The following CSMD1 variants were observed in gnomAD, a reference collection of about 807,000 sequenced individuals.
The protein encoded by CSMD1 is CUB and sushi domain-containing protein 1.
Under a neutral mutation model 417.5 loss-of-function variants are expected in CSMD1, and 213 were observed. The ratio of observed to expected loss-of-function variants is 0.51; its 90% CI spans 0.46 to 0.57. The LOEUF (loss-of-function observed/expected upper bound fraction) is 0.57. CSMD1 is among the 20% of genes least tolerant of loss of function. CSMD1 has a pLI of 0.00. For synonymous variants in CSMD1, 2,862 were observed against 1,736.8 expected, an observed-to-expected ratio of 1.65 and a Z score of -16.11; for missense variants, 6,923 against 4,529.7, an observed-to-expected ratio of 1.53 and a Z score of -15.17.
intron 1 of CSMD1, among the ~76,000 whole-genome samples, chr8:4,829,637 G>C (rs954572523): frequency 6.6e-6 from 1 of 151,752 alleles, no homozygotes; most frequent in African/African-American, 2.4e-5. Flanking sequence ...GTACTCAGGA[G>C]GCTGAGGAGG....
At chr8:3,950,226 C>T (rs752916703) in intron 5 of CSMD1, among the ~76,000 whole-genome samples, 31 of 152,088 alleles carry the variant, frequency 2.0e-4, no homozygotes, top group Non-Finnish European at 2.8e-4. Flanking sequence ...TCTCATCATG[C>T]AGTGGAAGAA....
chr8:3,300,409 T>C (rs1429556266), intron 25 of CSMD1, among the ~76,000 whole-genome samples: 2 of 152,088 alleles, frequency 1.3e-5, no homozygotes, highest in African/African-American at 4.8e-5. Flanking sequence ...GAAAAATAAT[T>C]AACCATAAAC....
In CSMD1 at chr8:3,338,183, T is replaced by A. The variant is rs565994206; in HGVS notation, c.3631+5111A>T. 2.6e-5 allele frequency among the ~76,000 whole-genome samples: 4 copies of A among 152,320 alleles called. No homozygotes were observed. In the South Asian group the frequency reaches 6.2e-4, roughly 24 times the overall value. On this transcript the variant is annotated intron_variant, in intron 23 of 69. Transcript: ENST00000635120. ...CACAAGACACAACGTATTTGATATC[T>A]GAATCCAGTTGTTGAACCACACGTG...
chr8:3,188,308 T>TC (rs1563125220), intron 35 of CSMD1, among the ~76,000 whole-genome samples: 12 of 131,120 alleles, frequency 9.2e-5, no homozygotes, highest in South Asian at 5.4e-4. Flanking sequence ...TCCTTTCTTT[T>TC]TTTTTTTTTT....
Position 3,108,666 on chromosome 8 carries a change from G to C in CSMD1, c.6691C>G (p.Gln2231Glu), listed in dbSNP as rs759144707. 5 of 1,613,664 alleles carry C rather than the reference G, an allele frequency of 3.1e-6. No individual in the cohort carries two copies. The highest frequency in any genetic ancestry group is 4.2e-6 in the Non-Finnish European group (5 of 1,179,844). ...TCGCTGTGGAACTTGAGCAGGACTT[G>C]GTTGGTGGAGCTATACGCCGTTTCG... ...ALETAYSSTN[Q>E]VLLKFHSDFS... is the part of the protein sequence containing the mutation. The change falls in exon 44 of 70, where the codon CAA becomes GAA. Residue 2231 changes from glutamine to glutamate, a missense_variant. Physicochemically the swap from Gln to Glu is conservative, Grantham distance 29. Coordinates refer to ENST00000635120, the MANE Select transcript of CSMD1 (RefSeq NM_033225.6).
chr8:4,449,147 A>C (rs909272745), intron 2 of CSMD1, among the ~76,000 whole-genome samples: 4 of 152,362 alleles, frequency 2.6e-5, no homozygotes, highest in African/African-American at 7.2e-5. Flanking sequence ...CAGACTTTGC[A>C]AATATTTAGC....
chr8:4,413,177 T>C (rs34366238), intron 3 of CSMD1, among the ~76,000 whole-genome samples: 7,929 of 152,276 alleles, frequency 0.052, 250 homozygotes, highest in Middle Eastern at 0.085. Context: ...AGTTAACACC[T>C]TAAATTCACA....
In CSMD1 at chr8:3,367,220, T is replaced by C. The variant is rs1809641755; in HGVS notation, c.2927A>G (p.His976Arg). 1.9e-6 allele frequency: 3 copies of C among 1,611,654 alleles called. No homozygotes were observed. Among genetic ancestry groups the C allele is most frequent in the Non-Finnish European group, 2.5e-6 (3 of 1,179,060 alleles). The change falls in exon 20 of 70, where the codon CAT (histidine) becomes CGT (arginine). Residue 976 changes from histidine to arginine, a missense_variant. Coordinates refer to ENST00000635120, the MANE Select transcript of CSMD1 (RefSeq NM_033225.6). ...TAAATAGTCGTGGGAACTCTCAAGA[T>C]GAAAGGTGTGAAAGATCATTTGAAC... is the stretch of plus-strand genomic sequence containing the variant. ...KGVQMIFHTFHLESSHDYLLI... is the reference protein window; with the variant it reads ...KGVQMIFHTFRLESSHDYLLI...
At chr8:4,721,837 T>C (rs1809073959) in intron 1 of CSMD1, among the ~76,000 whole-genome samples, 1 of 152,128 alleles carries the variant, frequency 6.6e-6, no homozygotes, top group South Asian at 2.1e-4. Flanking sequence ...TGGAACATGA[T>C]TCAGCTTTAC....
intron 46 of CSMD1, among the ~76,000 whole-genome samples, chr8:3,098,588 G>A (rs575470947): frequency 6.7e-4 from 102 of 152,096 alleles, no homozygotes; most frequent in Non-Finnish European, 1.3e-3. Context: ...ATCCTAATCA[G>A]AACACACAGA....
intron 5 of CSMD1, among the ~76,000 whole-genome samples, chr8:3,872,181 A>G (rs1489876465): frequency 1.3e-5 from 2 of 152,172 alleles, no homozygotes; most frequent in Non-Finnish European, 2.9e-5. Flanking sequence ...GTTAAATTAC[A>G]GTGTTTAATG....
chr8:3,817,969 ATACT>A (rs1801486232), intron 5 of CSMD1, among the ~76,000 whole-genome samples: 1 of 152,170 alleles, frequency 6.6e-6, no homozygotes, highest in East Asian at 1.9e-4. Flanking sequence ...TATCTTTGGT[ATACT>A]TACTTGTATT....
At chr8:4,339,772 C>T (rs1053751625) in intron 3 of CSMD1, among the ~76,000 whole-genome samples, 2 of 152,036 alleles carry the variant, frequency 1.3e-5, no homozygotes, top group Non-Finnish European at 2.9e-5. Context: ...ACCAAAAATC[C>T]TAATGCTTTG....
At chr8:4,135,203 C>G (rs531584655) in intron 3 of CSMD1, among the ~76,000 whole-genome samples, 2 of 152,100 alleles carry the variant, frequency 1.3e-5, no homozygotes, top group East Asian at 1.9e-4. Flanking sequence ...CACTTCAGGA[C>G]CAACAATGTT....
At chr8:4,101,993 G>C (rs1012092555) in intron 3 of CSMD1, among the ~76,000 whole-genome samples, 18 of 152,170 alleles carry the variant, frequency 1.2e-4, no homozygotes, top group Admixed American at 3.3e-4. Flanking sequence ...GGGGACTGGG[G>C]ACCCGGCAAT....
intron 10 of CSMD1, among the ~76,000 whole-genome samples, chr8:3,568,701 A>G (rs1398702419): frequency 1.3e-5 from 2 of 152,100 alleles, no homozygotes; most frequent in Non-Finnish European, 2.9e-5. Context: ...GTGTATATAT[A>G]GGTGTGTGTG....
At chr8:4,368,471 T>G (rs961065516) in intron 3 of CSMD1, among the ~76,000 whole-genome samples, 5 of 152,216 alleles carry the variant, frequency 3.3e-5, no homozygotes, top group African/African-American at 1.2e-4. Flanking sequence ...AATATCAGAA[T>G]GATGCTGGTT....
At chr8:3,719,539 C>A (rs952399137) in intron 6 of CSMD1, among the ~76,000 whole-genome samples, 8 of 152,182 alleles carry the variant, frequency 5.3e-5, no homozygotes, top group Non-Finnish European at 1.0e-4. Context: ...GGAAAATTAA[C>A]TTCAGTGACT....
At chr8:4,788,058 G>T in intron 1 of CSMD1, 1 of 1,595,252 alleles carries the variant, frequency 6.3e-7, no homozygotes, top group Non-Finnish European at 8.6e-7. Flanking sequence ...GAAAAACTTT[G>T]AGTGGGTTGC....
Sources: allele counts gnomAD v4.1 joint callset (sites outside exome capture counted in the v4.1 genomes callset), GRCh38; gene constraint gnomAD v4.1.1; transcripts MANE v1.5; gene names NCBI Gene and HGNC (gene_info 2026-07-23, HGNC 2026-07-21).